The following OR2L13 variants were observed in gnomAD, a reference collection of about 807,000 sequenced individuals.
OR2L13 encodes the protein olfactory receptor family 2 subfamily L member 13, also known as olfactory receptor 2L13.
OR2L13 carries 14 observed loss-of-function variants against 15.3 expected under a neutral mutation model. The observed-to-expected ratio is 0.91, with a 90% confidence interval of 0.60 to 1.43. OR2L13 has a LOEUF of 1.43. Among genes scored for constraint, OR2L13 ranks in the 40% most tolerant of loss-of-function variants. The pLI, the probability that OR2L13 is intolerant of heterozygous loss-of-function variation, is 0.00. For synonymous variants in OR2L13, 152 were observed against 142.9 expected, an observed-to-expected ratio of 1.06 and a Z score of -0.45; for missense variants, 367 against 387.9, an observed-to-expected ratio of 0.95 and a Z score of 0.45.
chr1:247,982,834 T>C, the OR2L13 span, among the ~76,000 whole-genome samples: 2 of 152,142 alleles, frequency 1.3e-5, no homozygotes, highest in African/African-American at 4.8e-5. Flanking sequence ...TAAAAATTTT[T>C]ATTATTTCAC....
chr1:248,007,141 C>T, the OR2L13 span, among the ~76,000 whole-genome samples: 1 of 152,122 alleles, frequency 6.6e-6, no homozygotes, highest in African/African-American at 2.4e-5. Context: ...GTACCATGGC[C>T]TCGGGGAAAT....
the OR2L13 span, among the ~76,000 whole-genome samples, chr1:248,013,404 G>A: frequency 6.6e-6 from 1 of 152,068 alleles, no homozygotes; most frequent in Non-Finnish European, 1.5e-5. Flanking sequence ...TACACAATGA[G>A]AACTCATTTC....
the OR2L13 span, among the ~76,000 whole-genome samples, chr1:248,043,058 C>T: frequency 6.6e-6 from 1 of 152,148 alleles, no homozygotes; most frequent in Non-Finnish European, 1.5e-5. Flanking sequence ...AGTCACCACT[C>T]TTGCTCCTTC....
At chr1:248,080,906 G>C in the OR2L13 span, among the ~76,000 whole-genome samples, 1 of 152,054 alleles carries the variant, frequency 6.6e-6, no homozygotes, top group Non-Finnish European at 1.5e-5. Flanking sequence ...TTTGTTTCTG[G>C]GTGCTAGAAC....
chr1:248,048,189 G>C, the OR2L13 span, among the ~76,000 whole-genome samples: 2 of 152,102 alleles, frequency 1.3e-5, no homozygotes. Context: ...CACCATCGTG[G>C]ACCTCAATGG....
the OR2L13 span, chr1:248,039,188 C>G: frequency 6.2e-7 from 1 of 1,609,178 alleles, no homozygotes. Flanking sequence ...TTCAGAAAAT[C>G]TTCTCAGTGA....
the OR2L13 span, among the ~76,000 whole-genome samples, chr1:247,941,839 G>T: frequency 6.6e-6 from 1 of 151,970 alleles, no homozygotes; most frequent in Non-Finnish European, 1.5e-5. Flanking sequence ...TATTCTCTTC[G>T]GCATCTTAAA....
chr1:247,974,616 G>A, the OR2L13 span: 1 of 162,150 alleles, frequency 6.2e-6, no homozygotes, highest in African/African-American at 2.4e-5. Context: ...TAGTGTATAT[G>A]AGACTCAATA....
In OR2L13 at chr1:248,099,850, A is replaced by AC; in HGVS notation, c.476dup (p.Val160SerfsTer12). The AC allele has an allele frequency of 6.2e-7, 1 of 1,614,076 alleles. No homozygotes were observed. Among genetic ancestry groups the AC allele is most frequent in the African/African-American group, 1.3e-5 (1 of 75,048 alleles). On this transcript the variant is annotated frameshift_variant, in exon 3 of 3. Coordinates refer to ENST00000641714, the Ensembl canonical transcript of OR2L13. LOFTEE classifies it high-confidence loss of function. ...GGGGTCCATCAACTCCTTGGCACAC[A>AC]CAGTCTTTGCCCTTCATATTCCCTA...
the OR2L13 span, among the ~76,000 whole-genome samples, chr1:247,971,836 AC>A: frequency 6.6e-5 from 10 of 152,142 alleles, no homozygotes; most frequent in Non-Finnish European, 1.5e-5. Context: ...GCAACACATA[AC>A]CCTTATTCTA....
chr1:248,062,778 T>G, the OR2L13 span: 1 of 152,246 alleles, frequency 6.6e-6, no homozygotes, highest in Non-Finnish European at 1.5e-5. Context: ...TTTGAGGTGA[T>G]GGTTACCCCG....
chr1:248,026,296 G>A, the OR2L13 span, among the ~76,000 whole-genome samples: 1 of 152,180 alleles, frequency 6.6e-6, no homozygotes, highest in African/African-American at 2.4e-5. Flanking sequence ...CCACTTATGT[G>A]TGGATTTCCT....
At chr1:247,963,874 T>C in the OR2L13 span, among the ~76,000 whole-genome samples, 1 of 152,166 alleles carries the variant, frequency 6.6e-6, no homozygotes, top group Non-Finnish European at 1.5e-5. Context: ...AATGTTGTTA[T>C]GGTAAAATTT....
chr1:247,956,800 T>C, the OR2L13 span, among the ~76,000 whole-genome samples: 1 of 152,184 alleles, frequency 6.6e-6, no homozygotes, highest in South Asian at 2.1e-4. Context: ...ATTTTGTATC[T>C]TGAGACTGTG....
the OR2L13 span, among the ~76,000 whole-genome samples, chr1:247,982,005 C>CG: frequency 1.3e-5 from 2 of 151,962 alleles, no homozygotes; most frequent in African/African-American, 4.8e-5. Context: ...TTAGTAGAGA[C>CG]GGGGTTTCAC....
chr1:248,091,410 G>T (rs1156982220), upstream of OR2L13, among the ~76,000 whole-genome samples: 1 of 151,956 alleles, frequency 6.6e-6, no homozygotes, highest in Non-Finnish European at 1.5e-5. Context: ...AGTACTTAGA[G>T]TTTAGGTTTT....
chr1:247,991,882 G>C, the OR2L13 span, among the ~76,000 whole-genome samples: 11 of 149,498 alleles, frequency 7.4e-5, 2 homozygotes, highest in Admixed American at 7.3e-4. Context: ...TTCCAGAAGA[G>C]CCCATTCCTG....
chr1:247,941,713 C>G, the OR2L13 span, among the ~76,000 whole-genome samples: 2 of 152,090 alleles, frequency 1.3e-5, no homozygotes, highest in Non-Finnish European at 2.9e-5. Flanking sequence ...AACAAATGGA[C>G]AAGCATTGGT....
At chr1:247,975,105 A>T in the OR2L13 span, 5 of 375,570 alleles carry the variant, frequency 1.3e-5, no homozygotes, top group Non-Finnish European at 2.6e-5. Flanking sequence ...TGTGATCATT[A>T]TGTAGCTGTT....
Sources: allele counts gnomAD v4.1 joint callset (sites outside exome capture counted in the v4.1 genomes callset), GRCh38; gene constraint gnomAD v4.1.1; transcripts MANE v1.5; gene names NCBI Gene and HGNC (gene_info 2026-07-23, HGNC 2026-07-21).